EARS2: variants seen among roughly 807,000 people sequenced by gnomAD.
EARS2 encodes the protein nondiscriminating glutamyl-tRNA synthetase EARS2, mitochondrial.
A neutral mutation model predicts 54.1 loss-of-function variants in EARS2; 50 were observed. The observed-to-expected ratio is 0.92, with a 90% CI of 0.74 to 1.17. The LOEUF (loss-of-function observed/expected upper bound fraction) is 1.17, where lower values mean the gene tolerates loss of function less well. Among genes scored for constraint, EARS2 ranks in the 50% most tolerant of loss-of-function variants. The probability of loss-of-function intolerance (pLI) is 0.00; values close to 1 mark genes in which losing one functional copy is unlikely to be tolerated. For synonymous variants in EARS2, 298 were observed against 281.0 expected (o/e 1.06, Z -0.61); for missense variants, 673 against 675.0 (o/e 1.00, Z 0.03).
intron 1 of EARS2, chr16:23,556,773 G>C: frequency 2.5e-6 from 1 of 402,900 alleles, no homozygotes; most frequent in African/African-American, 2.1e-5. Context: ...TTAATCCCCA[G>C]TCTCCTATCC....
At chr16:23,525,205 G>T (rs369245636) in intron 8 of EARS2, 39 bp downstream of exon 8, 1 of 1,613,926 alleles carries the variant, frequency 6.2e-7, no homozygotes, top group Non-Finnish European at 8.5e-7. Context: ...GATCAATGAG[G>T]GGCTCCAGGG....
chr16:23,545,201 A>C (rs963111277), intron 2 of EARS2: 1 of 153,848 alleles, frequency 6.5e-6, no homozygotes, highest in Non-Finnish European at 1.4e-5. Flanking sequence ...TCAAAGTCGC[A>C]TGGGCTCATG....
intron 2 of EARS2, among the ~76,000 whole-genome samples, chr16:23,548,705 G>C (rs1303464176): frequency 6.6e-6 from 1 of 152,076 alleles, no homozygotes; most frequent in Non-Finnish European, 1.5e-5. Flanking sequence ...GGTGAAATCT[G>C]ACTTCTAAGC....
At position 23,524,701 on chromosome 16, in the gene EARS2, C is replaced by A. The variant is rs1266012318; in HGVS notation, c.1489-247G>T. 2.8e-5 allele frequency among the ~76,000 whole-genome samples: 4 copies of A among 145,406 alleles called. No homozygotes were observed. The East Asian group carries it at 8.5e-4, about 31-fold the overall frequency. ...TCACTCTATCACCCAGGCTGGAATA[C>A]AACGGTGCGATCTTGGCTCACTGCA... On this transcript the variant is annotated intron_variant, in intron 8 of 8. Transcript: ENST00000449606.
chr16:23,545,946 T>C (rs1965596642), intron 2 of EARS2, among the ~76,000 whole-genome samples: 1 of 151,830 alleles, frequency 6.6e-6, no homozygotes, highest in African/African-American at 2.4e-5. Context: ...CCTCAGCCTC[T>C]CGAGTAGCTG....
At chr16:23,541,577 AC>A (rs1965512880) in intron 3 of EARS2, among the ~76,000 whole-genome samples, 2 of 152,222 alleles carry the variant, frequency 1.3e-5, no homozygotes, top group African/African-American at 4.8e-5. Context: ...AGGTATATGT[AC>A]TGAATGTCTC....
chr16:23,556,878 C>T (rs139880813), intron 1 of EARS2: 4 of 580,678 alleles, frequency 6.9e-6, no homozygotes, highest in South Asian at 1.5e-5. Flanking sequence ...TTCCACAGAG[C>T]AAGGCCCCTA....
intron 8 of EARS2, 174 bp downstream of exon 8, chr16:23,525,070 G>T: frequency 2.6e-6 from 2 of 773,498 alleles, no homozygotes; most frequent in Non-Finnish European, 2.1e-6. Flanking sequence ...CTAACACAAT[G>T]CTTGCACATA....
chr16:23,553,157 A>T (rs528148312), intron 1 of EARS2: 14 of 192,626 alleles, frequency 7.3e-5, no homozygotes, highest in South Asian at 6.4e-4. Context: ...AAATTAAAAA[A>T]TTTTTTTTCA....
intron 4 of EARS2, among the ~76,000 whole-genome samples, chr16:23,533,705 G>A (rs1266127765): frequency 6.6e-6 from 1 of 152,208 alleles, no homozygotes; most frequent in Non-Finnish European, 1.5e-5. Context: ...AACTGGGTTT[G>A]GTTGGGGTCT....
Position 23,525,295 on chromosome 16 carries a change from G to C in EARS2, c.1437C>G (p.Thr479=). 1 of 1,614,028 alleles carries C rather than the reference G, an allele frequency of 6.2e-7. No homozygotes were observed. The highest frequency in any genetic ancestry group is 8.5e-7 in the Non-Finnish European group (1 of 1,180,014). Residue 479 remains threonine, a synonymous_variant, in exon 8 of 9, where the codon ACC becomes ACG. Coordinates refer to ENST00000449606, the MANE Select transcript of EARS2 (RefSeq NM_001083614.2). ...LKKLSEGLEG[T]KYSNVMKLLR... ...GGAGTTTCATCACATTACTGTACTT[G>C]GTGCCTTCCAGACCTTCTGATAGCT...
intron 1 of EARS2, chr16:23,556,620 A>G: frequency 3.3e-6 from 1 of 302,932 alleles, no homozygotes; most frequent in South Asian, 2.8e-5. Context: ...CTGCCTCCCA[A>G]AGTGCTGGGA....
chr16:23,555,536 A>G (rs1227336704), intron 1 of EARS2, among the ~76,000 whole-genome samples: 2 of 152,216 alleles, frequency 1.3e-5, no homozygotes, highest in Admixed American at 6.5e-5. Context: ...TACACATCTA[A>G]TAAGTGGCCA....
At chr16:23,541,641 G>A (rs1339960612) in intron 3 of EARS2, among the ~76,000 whole-genome samples, 1 of 151,890 alleles carries the variant, frequency 6.6e-6, no homozygotes. Flanking sequence ...GAGCAGAATT[G>A]AGTGGCCAGA....
Position 23,535,134 on chromosome 16 carries a change from G to A in EARS2, c.712C>T (p.His238Tyr). Residue 238 changes from histidine (H) to tyrosine (Y), a missense_variant, in exon 4 of 9, where the codon CAC (histidine) becomes TAC (tyrosine). Physicochemically the swap from His to Tyr is moderately conservative, Grantham distance 83. Around this residue, in one of 3 missense-constraint regions of EARS2, gnomAD observed 338 missense variants for 361.2 expected, o/e 0.94. Transcript: ENST00000449606. ...CGCAGCACGTGGCTGATGCCCATGT[G>A]GTGGTCGTCCACCACGCAGGCCAGG... is the stretch of plus-strand genomic sequence containing the variant. ...YHLACVVDDHHMGISHVLRGS... is the reference protein window; with the variant it reads ...YHLACVVDDHYMGISHVLRGS... The A allele has an allele frequency of 1.9e-6, 3 of 1,612,926 alleles. No homozygotes were observed. Among genetic ancestry groups the A allele is most frequent in the Non-Finnish European group, 2.5e-6 (3 of 1,179,754 alleles).
intron 7 of EARS2, 151 bp from the exon 8 acceptor site, chr16:23,525,530 A>G: frequency 1.1e-6 from 1 of 905,592 alleles, no homozygotes; most frequent in Non-Finnish European, 1.6e-6. Flanking sequence ...GATATTGACC[A>G]CTTTCTCCCT....
chr16:23,553,056 A>G, intron 1 of EARS2: 1 of 402,124 alleles, frequency 2.5e-6, no homozygotes, highest in Admixed American at 2.6e-5. Flanking sequence ...GAGCCTGGGG[A>G]CGCTGAGGCT....
At chr16:23,546,363 G>C (rs1352991713) in intron 2 of EARS2, 1 of 455,808 alleles carries the variant, frequency 2.2e-6, no homozygotes, top group African/African-American at 2.0e-5. Context: ...GAGCTGAGTG[G>C]GCCTGGGTTC....
Position 23,529,596 on chromosome 16 carries a change from C to G in EARS2, c.1258G>C (p.Val420Leu). The G allele has an allele frequency of 6.2e-7, 1 of 1,614,154 alleles. No individual in the cohort carries two copies. Among genetic ancestry groups the G allele is most frequent in the East Asian group, 2.2e-5 (1 of 44,888 alleles). ...GGGCGAGTCCACAGGTAAGAGTATA[C>G]TGGGGACACCAAGTCCTGCAGGCGG... The part of the protein sequence containing the change: ...ICRLQDLVSP[V>L]YSYLWTRPAV... The change falls in exon 7 of 9, where the codon GTA becomes CTA. Residue 420 changes from valine (V) to leucine (L), a missense_variant. Physicochemically the swap from Val to Leu is conservative, Grantham distance 32. Transcript: ENST00000449606.
Sources: gnomAD v4.1 joint callset for allele counts (sites outside exome capture counted in the v4.1 genomes callset) on GRCh38, gnomAD v4.1.1 for gene constraint, gnomAD v4.1.1 regional missense constraint, MANE v1.5 for transcripts, NCBI Gene and HGNC (gene_info 2026-07-23, HGNC 2026-07-21) for gene names.